CFAP210: variants seen among roughly 807,000 people sequenced by gnomAD.
CFAP210 encodes the protein cilia- and flagella- associated protein 210.
At chr2:169,674,476 A>C in the CFAP210 span, 1 of 990,752 alleles carries the variant, frequency 1.0e-6, no homozygotes, top group Non-Finnish European at 1.5e-6. Context: ...TTTTCTACTG[A>C]CTAATTATTT....
chr2:169,660,260 C>T, the CFAP210 span, among the ~76,000 whole-genome samples: 4,156 of 151,632 alleles, frequency 0.027, 83 homozygotes, highest in East Asian at 0.11. Flanking sequence ...CGTGGTGGTG[C>T]GTGCCTGTAA....
the CFAP210 span, among the ~76,000 whole-genome samples, chr2:169,667,129 A>C: frequency 6.9e-6 from 1 of 145,482 alleles, no homozygotes; most frequent in African/African-American, 2.6e-5. Context: ...ATGAATCACA[A>C]ATTTTCTTTT....
chr2:169,666,267 G>C, the CFAP210 span, among the ~76,000 whole-genome samples: 1 of 151,452 alleles, frequency 6.6e-6, no homozygotes, highest in Non-Finnish European at 1.5e-5. Flanking sequence ...CATTTACCTA[G>C]TATTTATTGA....
the CFAP210 span, among the ~76,000 whole-genome samples, chr2:169,649,531 T>G: frequency 3.9e-5 from 6 of 152,126 alleles, no homozygotes; most frequent in Admixed American, 3.9e-4. Flanking sequence ...TTCTATTTCC[T>G]GAATATCAGA....
the CFAP210 span, among the ~76,000 whole-genome samples, chr2:169,672,099 T>C: frequency 1.3e-5 from 2 of 152,192 alleles, no homozygotes; most frequent in Non-Finnish European, 1.5e-5. Flanking sequence ...TAAAGTAACA[T>C]GCATTCTGAA....
the CFAP210 span, among the ~76,000 whole-genome samples, chr2:169,673,194 T>G: frequency 6.6e-6 from 1 of 152,168 alleles, no homozygotes; most frequent in Admixed American, 6.5e-5. Flanking sequence ...TCTAACCTAC[T>G]GACACATACT....
chr2:169,694,060 G>A, the CFAP210 span, among the ~76,000 whole-genome samples: 9 of 151,936 alleles, frequency 5.9e-5, no homozygotes, highest in African/African-American at 2.2e-4. Flanking sequence ...TCCACTCCCC[G>A]TTTCCCTCCT....
the CFAP210 span, chr2:169,661,115 C>A: frequency 1.8e-6 from 1 of 558,716 alleles, no homozygotes; most frequent in Non-Finnish European, 3.6e-6. Flanking sequence ...CCTTTTAATG[C>A]TGCTTCTAAC....
chr2:169,645,734 CAT>C, the CFAP210 span: 1 of 720,848 alleles, frequency 1.4e-6, no homozygotes. Flanking sequence ...TTAAATCAGA[CAT>C]AATTGTACTT....
the CFAP210 span, among the ~76,000 whole-genome samples, chr2:169,685,462 T>C: frequency 1.3e-5 from 2 of 152,224 alleles, no homozygotes; most frequent in Non-Finnish European, 2.9e-5. Context: ...GGGCTGTCTT[T>C]TTATTGTTGA....
At chr2:169,687,598 A>T in the CFAP210 span, among the ~76,000 whole-genome samples, 2 of 152,196 alleles carry the variant, frequency 1.3e-5, no homozygotes, top group Admixed American at 6.5e-5. Flanking sequence ...GTGGGGACCC[A>T]TGGTCTTTGG....
the CFAP210 span, among the ~76,000 whole-genome samples, chr2:169,679,263 C>T: frequency 6.6e-6 from 1 of 152,286 alleles, no homozygotes; most frequent in Non-Finnish European, 1.5e-5. Context: ...GCTACATGCG[C>T]AGGTTTGTTA....
chr2:169,664,886 T>C, the CFAP210 span, among the ~76,000 whole-genome samples: 4 of 152,340 alleles, frequency 2.6e-5, no homozygotes, highest in African/African-American at 4.8e-5. Flanking sequence ...CTTGGGCTTA[T>C]ATAGATGTTG....
At chr2:169,662,250 C>T in the CFAP210 span, 3 of 1,583,620 alleles carry the variant, frequency 1.9e-6, no homozygotes, top group South Asian at 2.4e-5. Context: ...GACTTTGAAC[C>T]TTTTTGGAAC....
the CFAP210 span, among the ~76,000 whole-genome samples, chr2:169,672,670 G>A: frequency 2.0e-5 from 3 of 152,194 alleles, no homozygotes; most frequent in Non-Finnish European, 1.5e-5. Context: ...GGCTCAGCAA[G>A]CAAGAGTAGC....
At chr2:169,662,287 C>T in the CFAP210 span, 18 of 1,593,152 alleles carry the variant, frequency 1.1e-5, no homozygotes, top group Middle Eastern at 3.3e-4. Context: ...TACAAGAAAC[C>T]GTCTCCTGCT....
the CFAP210 span, chr2:169,658,752 G>A: frequency 6.3e-6 from 2 of 319,208 alleles, no homozygotes; most frequent in African/African-American, 2.2e-5. Flanking sequence ...CTTGGAGTTA[G>A]TCTGATCATT....
the CFAP210 span, among the ~76,000 whole-genome samples, chr2:169,656,387 A>AGGATGAAGG: frequency 6.7e-6 from 1 of 149,528 alleles, no homozygotes; most frequent in Non-Finnish European, 1.5e-5. Flanking sequence ...AAAGAGGAGG[A>AGGATGAAGG]AGAGGAGGAG....
the CFAP210 span, chr2:169,654,304 C>G: frequency 9.1e-7 from 1 of 1,101,220 alleles, no homozygotes; most frequent in Non-Finnish European, 1.3e-6. Flanking sequence ...CAAATGGTCA[C>G]AGCTTCTGAC....
Sources: allele counts gnomAD v4.1 joint callset (sites outside exome capture counted in the v4.1 genomes callset), GRCh38; gene constraint gnomAD v4.1.1; transcripts MANE v1.5; gene names NCBI Gene and HGNC (gene_info 2026-07-23, HGNC 2026-07-21).